Variants in TM4SF20 observed in about 807,000 individuals in gnomAD.
TM4SF20 encodes transmembrane 4 L6 family member 20.
TM4SF20 carries 13 observed loss-of-function variants against 15.1 expected under a neutral mutation model. That is an observed-to-expected ratio of 0.86 (90% confidence interval 0.56 to 1.36). The LOEUF (loss-of-function observed/expected upper bound fraction) is 1.36, where lower values mean the gene tolerates loss of function less well. TM4SF20 is among the 40% of genes most tolerant of loss of function. The probability of loss-of-function intolerance (pLI) is 0.00; values close to 1 mark genes in which losing one functional copy is unlikely to be tolerated. For synonymous variants in TM4SF20, 92 were observed against 96.6 expected (o/e 0.95, Z 0.28); for missense variants, 282 against 268.4 (o/e 1.05, Z -0.35).
Position 227,363,795 on chromosome 2 carries a change from G to T in TM4SF20, c.619C>A (p.Leu207Ile). The stretch of plus-strand genomic sequence containing the variant: ...AGGAAACCGATGACTATCTGACTGA[G>T]CCCAAACAGGACCTCCAGAATTCCA... ...LVGILEVLFG[L>I]SQIVIGFLGC... The change falls in exon 4 of 4, where the codon CTC (leucine) becomes ATC (isoleucine). Residue 207 changes from leucine to isoleucine, a missense_variant. Transcript: ENST00000304568. 1 of 1,614,146 alleles carries T rather than the reference G, an allele frequency of 6.2e-7. No homozygotes were observed. Among genetic ancestry groups the T allele is most frequent in the Non-Finnish European group, 8.5e-7 (1 of 1,180,030 alleles).
At chr2:227,376,404 A>G (rs2076450824) in intron 1 of TM4SF20, among the ~76,000 whole-genome samples, 1 of 152,198 alleles carries the variant, frequency 6.6e-6, no homozygotes, top group Non-Finnish European at 1.5e-5. Flanking sequence ...CACATTCTCT[A>G]TCTATCTGAG....
At chr2:227,367,396 A>G (rs765321546) in intron 2 of TM4SF20, among the ~76,000 whole-genome samples, 2 of 152,176 alleles carry the variant, frequency 1.3e-5, no homozygotes, top group Admixed American at 6.5e-5. Context: ...CTCTTAGGCC[A>G]GGCACAGTGG....
At chr2:227,367,567 A>G (rs1282725990) in intron 2 of TM4SF20, among the ~76,000 whole-genome samples, 1 of 152,154 alleles carries the variant, frequency 6.6e-6, no homozygotes, top group Admixed American at 6.5e-5. Context: ...TTAGTCACTG[A>G]TGATTATTTC....
In TM4SF20 at chr2:227,379,227, G is replaced by C. The variant is rs2076467604; in HGVS notation, c.42C>G (p.Ser14Arg). 2 of 1,614,228 alleles carry C rather than the reference G, an allele frequency of 1.2e-6. No homozygotes were observed. Among genetic ancestry groups the C allele is most frequent in the East Asian group, 4.5e-5 (2 of 44,894 alleles). Residue 14 changes from serine to arginine, a missense_variant, in exon 1 of 4, where the codon AGC (serine) becomes AGG (arginine). Transcript: ENST00000304568. ...CEGWTSCNGFSLLVLLLLGVV... is the reference protein window; with the variant it reads ...CEGWTSCNGFRLLVLLLLGVV... ...CTCCTAACAGCAGTAGAACCAGCAGGCTGAATCCATTGCAGGATGTCCATC... is the reference window on the plus strand; with the variant it reads ...CTCCTAACAGCAGTAGAACCAGCAGCCTGAATCCATTGCAGGATGTCCATC...
chr2:227,368,331 TTATTTATATATATA>T (rs968666786), intron 2 of TM4SF20, among the ~76,000 whole-genome samples: 3 of 67,332 alleles, frequency 4.5e-5, no homozygotes, highest in African/African-American at 2.0e-4. Context: ...CCGCCATCTA[TTATTTATATATATA>T]TATATATATA....
At chr2:227,365,972 A>G (rs946903149) in intron 3 of TM4SF20, 121 bp downstream of exon 3, 1 of 998,096 alleles carries the variant, frequency 1.0e-6, no homozygotes, top group African/African-American at 1.6e-5. Context: ...AATTCCTAAG[A>G]ATCCGTTTGT....
At chr2:227,365,943 A>C in intron 3 of TM4SF20, 150 bp downstream of exon 3, 1 of 673,448 alleles carries the variant, frequency 1.5e-6, no homozygotes. Flanking sequence ...AGTTGTGCTA[A>C]CTGGCGTTAA....
intron 3 of TM4SF20, among the ~76,000 whole-genome samples, chr2:227,364,974 G>C (rs1237764793): frequency 2.0e-5 from 3 of 152,210 alleles, no homozygotes; most frequent in Admixed American, 2.0e-4. Context: ...GCAGTGGCTT[G>C]ATCTTGGCTC....
Position 227,363,925 on chromosome 2 carries a change from G to A in TM4SF20, c.489C>T (p.Asn163=), listed in dbSNP as rs765806157. The A allele has an allele frequency of 5.3e-5, 85 of 1,614,056 alleles. No homozygotes were observed. The highest frequency in any genetic ancestry group is 7.0e-5 in the Non-Finnish European group (83 of 1,180,044). ...CTCTCCAGCCACTCGCCATGGTGTC[G>A]TTACTGGTGGGTTTATTGAAACCAG... The part of the protein sequence containing the change: ...PPTGFNKPTS[N]DTMASGWRAS... Residue 163 remains asparagine (N), a synonymous_variant, in exon 4 of 4, where the codon AAC becomes AAT. Transcript: ENST00000304568.
chr2:227,376,426 T>C lies in TM4SF20; in HGVS notation c.183+2660A>G, dbSNP rs61093285. Among the ~76,000 whole-genome samples the C allele has an allele frequency of 4.6e-3, 695 of 152,338 alleles. 8 individuals carry two copies. Among genetic ancestry groups the C allele is most frequent in the African/African-American group, 0.016 (658 of 41,578 alleles). On this transcript the variant is annotated intron_variant, in intron 1 of 3. Transcript: ENST00000304568. ...TCTATCTATCTGAGGATCATGAAAATATACCTGTAGTCTGAGCCCTTTTTA... is the reference window on the plus strand; with the variant it reads ...TCTATCTATCTGAGGATCATGAAAACATACCTGTAGTCTGAGCCCTTTTTA...
chr2:227,367,252 G>A (rs149226901), intron 2 of TM4SF20, among the ~76,000 whole-genome samples: 33 of 152,220 alleles, frequency 2.2e-4, no homozygotes, highest in African/African-American at 6.7e-4. Context: ...AAAATAACCC[G>A]CCGGTTGAGA....
chr2:227,372,992 A>C (rs1411436699), intron 1 of TM4SF20, among the ~76,000 whole-genome samples: 1 of 152,148 alleles, frequency 6.6e-6, no homozygotes, highest in African/African-American at 2.4e-5. Flanking sequence ...TTGAGATTAC[A>C]GGTGAGCCTC....
At chr2:227,369,707 G>A (rs370915790) in intron 2 of TM4SF20, among the ~76,000 whole-genome samples, 23 of 152,096 alleles carry the variant, frequency 1.5e-4, no homozygotes, top group African/African-American at 5.6e-4. Flanking sequence ...GTGAGCCACC[G>A]TGCCCAGCCT....
rs59401554 is a variant in TM4SF20 at position 227,366,716 on chromosome 2, C to CAAAAAAAA, written c.250-480_250-473dup. 2.9e-3 allele frequency among the ~76,000 whole-genome samples: 199 copies of CAAAAAAAA among 68,196 alleles called. 11 individuals are homozygous for CAAAAAAAA. Among genetic ancestry groups the CAAAAAAAA allele is most frequent in the Non-Finnish European group, 3.8e-3 (138 of 36,134 alleles). 44.7% of individuals were successfully genotyped at this position (68,196 alleles called of 152,430 possible). The stretch of plus-strand genomic sequence containing the variant: ...GCTGGGTGACAGAGCAAGACTCTGT[C>CAAAAAAAA]AAAAAAAAAAAAAAAAAAAAAAAAA... On this transcript the variant is annotated intron_variant, in intron 2 of 3. Coordinates refer to ENST00000304568, the MANE Select transcript of TM4SF20 (RefSeq NM_024795.4).
rs76932510 is a variant in TM4SF20 at position 227,378,361 on chromosome 2, T to C, written c.183+725A>G. ...TACCCAGGCCTACTGCACCCAGAATTCTCAGGAGAAAATCCGTAAATCTAA... is the reference window on the plus strand; with the variant it reads ...TACCCAGGCCTACTGCACCCAGAATCCTCAGGAGAAAATCCGTAAATCTAA... On this transcript the variant is annotated intron_variant, in intron 1 of 3. Transcript: ENST00000304568. 4.6e-3 allele frequency among the ~76,000 whole-genome samples: 697 copies of C among 152,312 alleles called. 8 individuals carry two copies. Among genetic ancestry groups the C allele is most frequent in the African/African-American group, 0.016 (660 of 41,562 alleles).
chr2:227,369,255 A>G (rs1289325359), intron 2 of TM4SF20, among the ~76,000 whole-genome samples: 1 of 152,200 alleles, frequency 6.6e-6, no homozygotes, highest in Non-Finnish European at 1.5e-5. Flanking sequence ...AAAAATATGA[A>G]TCTTCCATTA....
intron 1 of TM4SF20, among the ~76,000 whole-genome samples, chr2:227,375,524 C>G (rs1353624057): frequency 3.3e-5 from 5 of 152,168 alleles, no homozygotes; most frequent in Non-Finnish European, 7.3e-5. Context: ...GAGTCTTGCT[C>G]TGTCACCTAG....
At position 227,366,772 on chromosome 2, in the gene TM4SF20, C is replaced by T. The variant is rs2076395836; in HGVS notation, c.250-528G>A. Reference sequence around the variant, plus strand: ...AAAAAAAAAAGATGGTTTGGCTTGTCACTGTCTCTGGAAAATCTCAACTTT... The same window carrying T: ...AAAAAAAAAAGATGGTTTGGCTTGTTACTGTCTCTGGAAAATCTCAACTTT... On this transcript the variant is annotated intron_variant, in intron 2 of 3. Transcript: ENST00000304568. Among the ~76,000 whole-genome samples, 3 of 134,398 alleles carry T rather than the reference C, an allele frequency of 2.2e-5. No individual in the cohort carries two copies. In the Admixed American group the frequency reaches 2.5e-4, roughly 11 times the overall value. The allele number at this position is 134,398 out of a possible 152,430, so 88.2% of individuals were successfully genotyped here.
intron 1 of TM4SF20, among the ~76,000 whole-genome samples, chr2:227,374,407 C>CTAAA (rs765134975): frequency 1.3e-5 from 2 of 149,866 alleles, no homozygotes; most frequent in Non-Finnish European, 3.0e-5. Context: ...TGGAGGGGCT[C>CTAAA]TTTAGACAGA....
Sources: gnomAD v4.1 joint callset for allele counts (sites outside exome capture counted in the v4.1 genomes callset) on GRCh38, gnomAD v4.1.1 for gene constraint, MANE v1.5 for transcripts, NCBI Gene and HGNC (gene_info 2026-07-23, HGNC 2026-07-21) for gene names.